Variants in CMTM8 observed in about 807,000 individuals in gnomAD.
The protein encoded by CMTM8 is CKLF like MARVEL transmembrane domain containing 8.
Under a neutral mutation model 18.6 loss-of-function variants are expected in CMTM8, and 12 were observed. That is an observed-to-expected ratio of 0.65 (90% CI 0.41 to 1.05). The LOEUF is 1.05. CMTM8 is among the 50% of genes least tolerant of loss of function. The probability of loss-of-function intolerance (pLI) is 0.00; values close to 1 mark genes in which losing one functional copy is unlikely to be tolerated. For synonymous variants in CMTM8, 87 were observed against 90.6 expected (o/e 0.96, Z 0.23); for missense variants, 217 against 227.2 (o/e 0.95, Z 0.29).
At chr3:32,262,871 T>C (rs982686071) in intron 1 of CMTM8, among the ~76,000 whole-genome samples, 5 of 152,242 alleles carry the variant, frequency 3.3e-5, no homozygotes, top group African/African-American at 4.8e-5. Context: ...CTAGTGAGTT[T>C]TCACACACTC....
intron 1 of CMTM8, among the ~76,000 whole-genome samples, chr3:32,299,073 A>G (rs1305316115): frequency 6.6e-6 from 1 of 151,116 alleles, no homozygotes; most frequent in Non-Finnish European, 1.5e-5. Context: ...TAGACACGAA[A>G]CACTGTGCCC....
intron 1 of CMTM8, among the ~76,000 whole-genome samples, chr3:32,245,884 T>TAGCTCACTGCAACCTC: frequency 6.6e-6 from 1 of 152,090 alleles, no homozygotes; most frequent in Non-Finnish European, 1.5e-5. Flanking sequence ...ACTGCAACCT[T>TAGCTCACTGCAACCTC]AGCTCACTGC....
chr3:32,354,259 T>G (rs1217032680), intron 1 of CMTM8, among the ~76,000 whole-genome samples: 4 of 152,170 alleles, frequency 2.6e-5, no homozygotes, highest in Non-Finnish European at 4.4e-5. Context: ...AAGCAAAAGA[T>G]GAGTAACATT....
At chr3:32,341,707 T>C (rs1304765924) in intron 1 of CMTM8, among the ~76,000 whole-genome samples, 1 of 150,356 alleles carries the variant, frequency 6.7e-6, no homozygotes, top group Non-Finnish European at 1.5e-5. Context: ...CGAAACCCCC[T>C]CTCTAATAAA....
chr3:32,338,395 C>A (rs752033470), intron 1 of CMTM8, among the ~76,000 whole-genome samples: 1 of 152,140 alleles, frequency 6.6e-6, no homozygotes, highest in Non-Finnish European at 1.5e-5. Context: ...CTTTCACTGA[C>A]TGAGTACCCT....
At chr3:32,363,693 C>T (rs993463410) in intron 2 of CMTM8, among the ~76,000 whole-genome samples, 3 of 152,212 alleles carry the variant, frequency 2.0e-5, no homozygotes, top group Non-Finnish European at 4.4e-5. Context: ...AGTTGCTTAT[C>T]ATATCTTCCT....
intron 1 of CMTM8, among the ~76,000 whole-genome samples, chr3:32,352,349 A>G (rs550570629): frequency 6.6e-6 from 1 of 152,308 alleles, no homozygotes; most frequent in African/African-American, 2.4e-5. Context: ...ACAAGATGCT[A>G]TTCATCAGTG....
chr3:32,310,243 A>G (rs990025235), intron 1 of CMTM8, among the ~76,000 whole-genome samples: 6 of 152,116 alleles, frequency 3.9e-5, no homozygotes, highest in African/African-American at 1.4e-4. Context: ...AATTTGGGAG[A>G]TGGCTCTCCA....
intron 2 of CMTM8, among the ~76,000 whole-genome samples, chr3:32,367,042 A>AC (rs1697052663): frequency 6.6e-6 from 1 of 151,958 alleles, no homozygotes; most frequent in Non-Finnish European, 1.5e-5. Context: ...CCTTTCCCCT[A>AC]CCCCTTCCTC....
intron 1 of CMTM8, among the ~76,000 whole-genome samples, chr3:32,311,127 C>T (rs1035311418): frequency 1.3e-5 from 2 of 152,212 alleles, no homozygotes; most frequent in African/African-American, 4.8e-5. Flanking sequence ...CAGCAAACCA[C>T]AGCCTACAGG....
intron 1 of CMTM8, among the ~76,000 whole-genome samples, chr3:32,329,809 T>G (rs2125582909): frequency 6.6e-6 from 1 of 152,256 alleles, no homozygotes; most frequent in African/African-American, 2.4e-5. Context: ...AAAAGAGTGA[T>G]TATCTATGTT....
chr3:32,357,860 T>C (rs980320400), intron 2 of CMTM8, among the ~76,000 whole-genome samples: 14 of 152,208 alleles, frequency 9.2e-5, no homozygotes, highest in African/African-American at 3.1e-4. Context: ...CTGTGAACAA[T>C]GTCAACTGGA....
chr3:32,346,928 C>T (rs1025111734), intron 1 of CMTM8, among the ~76,000 whole-genome samples: 2 of 151,888 alleles, frequency 1.3e-5, no homozygotes, highest in Non-Finnish European at 2.9e-5. Context: ...TCAAGCAACC[C>T]TCCCACCTCA....
intron 1 of CMTM8, among the ~76,000 whole-genome samples, chr3:32,324,709 CA>C (rs201190575): frequency 0.025 from 3,792 of 152,282 alleles, 156 homozygotes; most frequent in African/African-American, 0.086. Context: ...AATTACCTAC[CA>C]ACCCCCTGCA....
intron 1 of CMTM8, among the ~76,000 whole-genome samples, chr3:32,278,962 G>A (rs1263230954): frequency 2.0e-5 from 3 of 152,118 alleles, no homozygotes; most frequent in African/African-American, 7.2e-5. Flanking sequence ...AGCACTTACT[G>A]GCTCGTGTAT....
chr3:32,297,336 A>G (rs1014775639), intron 1 of CMTM8, among the ~76,000 whole-genome samples: 8 of 151,988 alleles, frequency 5.3e-5, no homozygotes, highest in African/African-American at 1.9e-4. Flanking sequence ...CCGCCACTGC[A>G]CCCAGCTAAT....
At chr3:32,295,950 C>G (rs1702871443) in intron 1 of CMTM8, among the ~76,000 whole-genome samples, 1 of 152,078 alleles carries the variant, frequency 6.6e-6, no homozygotes, top group Non-Finnish European at 1.5e-5. Flanking sequence ...TTCCACTTGC[C>G]TGTAATGGTT....
intron 1 of CMTM8, among the ~76,000 whole-genome samples, chr3:32,268,886 A>G (rs1702391607): frequency 6.6e-6 from 1 of 152,122 alleles, no homozygotes; most frequent in Non-Finnish European, 1.5e-5. Flanking sequence ...CATCTATTCA[A>G]AATTATAACA....
intron 1 of CMTM8, among the ~76,000 whole-genome samples, chr3:32,345,104 G>A (rs993897305): frequency 3.9e-5 from 6 of 152,150 alleles, no homozygotes; most frequent in Non-Finnish European, 8.8e-5. Context: ...TAGGATTTGG[G>A]AGGCCGAGGT....
Sources: gnomAD v4.1 joint callset for allele counts (sites outside exome capture counted in the v4.1 genomes callset) on GRCh38, gnomAD v4.1.1 for gene constraint, MANE v1.5 for transcripts, NCBI Gene and HGNC (gene_info 2026-07-23, HGNC 2026-07-21) for gene names.